The following CSMD3 variants were observed in gnomAD, a reference collection of about 807,000 sequenced individuals.
CSMD3 encodes CUB and sushi domain-containing protein 3.
A neutral mutation model predicts 435.2 loss-of-function variants in CSMD3; 177 were observed. The ratio of observed to expected loss-of-function variants is 0.41; its 90% CI spans 0.36 to 0.46. CSMD3 has a LOEUF of 0.46. Among genes scored for constraint, CSMD3 ranks in the 20% least tolerant of loss-of-function variants. CSMD3 has a pLI of 0.34. For synonymous variants in CSMD3, 1,656 were observed against 1,520.5 expected, an observed-to-expected ratio of 1.09 and a Z score of -2.07; for missense variants, 4,265 against 4,504.6, an observed-to-expected ratio of 0.95 and a Z score of 1.52.
chr8:113,104,280 T>C (rs1173149095), intron 4 of CSMD3, among the ~76,000 whole-genome samples: 1 of 152,044 alleles, frequency 6.6e-6, no homozygotes, highest in East Asian at 1.9e-4. Context: ...CATGGAACAT[T>C]TTTTCTACAA....
chr8:113,196,681 A>G (rs1009236976), intron 3 of CSMD3, among the ~76,000 whole-genome samples: 4 of 151,280 alleles, frequency 2.6e-5, no homozygotes, highest in Admixed American at 6.6e-5. Flanking sequence ...TAGAGAAAAA[A>G]AAGTCTTGAA....
intron 56 of CSMD3, among the ~76,000 whole-genome samples, chr8:112,290,574 T>C (rs548316888): frequency 1.3e-5 from 2 of 151,968 alleles, no homozygotes; most frequent in East Asian, 1.9e-4. Context: ...GCAAAAAGTG[T>C]TGTTTCTTCA....
intron 29 of CSMD3, 137 bp downstream of exon 29, chr8:112,506,554 A>G: frequency 1.3e-6 from 1 of 793,908 alleles, no homozygotes; most frequent in Non-Finnish European, 2.0e-6. Flanking sequence ...AGCTAGAACA[A>G]CTATTAGCAC....
intron 10 of CSMD3, among the ~76,000 whole-genome samples, chr8:112,889,691 A>G (rs1243151152): frequency 1.3e-5 from 2 of 151,698 alleles, no homozygotes; most frequent in East Asian, 1.9e-4. Context: ...GTGAAACAGA[A>G]AAGTTGGGAT....
rs111433383 is a variant in CSMD3 at position 113,319,391 on chromosome 8, T to C, written c.179-4598A>G. Among the ~76,000 whole-genome samples the C allele has an allele frequency of 7.4e-3, 1,129 of 152,162 alleles. 20 individuals are homozygous for C. Among genetic ancestry groups the C allele is most frequent in the African/African-American group, 0.026 (1,072 of 41,552 alleles). On this transcript the variant is annotated intron_variant, in intron 1 of 70. Coordinates refer to ENST00000297405, the MANE Select transcript of CSMD3 (RefSeq NM_198123.2). The stretch of plus-strand genomic sequence containing the variant: ...ATGTCTGTTCAGGTCTTTTGCCCAT[T>C]TTTAAAATCAGGTTATTGTTTTTTC...
intron 1 of CSMD3, among the ~76,000 whole-genome samples, chr8:113,370,717 A>T (rs1196308767): frequency 1.3e-5 from 2 of 151,972 alleles, no homozygotes; most frequent in Admixed American, 1.3e-4. Flanking sequence ...CTTCTCTGGC[A>T]ATAAATCTCT....
rs116918427 is a variant in CSMD3 at position 113,100,905 on chromosome 8, A to G, written c.710-1942T>C. Among the ~76,000 whole-genome samples the G allele has an allele frequency of 7.2e-5, 11 of 152,206 alleles. No homozygotes were observed. The East Asian group carries it at 1.4e-3, about 19-fold the overall frequency. On this transcript the variant is annotated intron_variant, in intron 4 of 70. Coordinates refer to ENST00000297405, the MANE Select transcript of CSMD3 (RefSeq NM_198123.2). ...TATACCTTGGACTTGTGGCAGATGG[A>G]GCAGAGGTGGGGCAGAGGTGAGATG...
At chr8:112,589,089 C>T (rs1830963765) in intron 22 of CSMD3, among the ~76,000 whole-genome samples, 1 of 152,262 alleles carries the variant, frequency 6.6e-6, no homozygotes, top group South Asian at 2.1e-4. Flanking sequence ...TAGTTCTTCT[C>T]TGTAATAAAC....
At chr8:112,452,614 C>T (rs1172623554) in intron 32 of CSMD3, among the ~76,000 whole-genome samples, 1 of 152,022 alleles carries the variant, frequency 6.6e-6, no homozygotes, top group Non-Finnish European at 1.5e-5. Flanking sequence ...TATTTTATTG[C>T]CTTTTTAAGG....
At chr8:113,409,104 G>C (rs112427386) in intron 1 of CSMD3, among the ~76,000 whole-genome samples, 1 of 86,750 alleles carries the variant, frequency 1.2e-5, no homozygotes, top group Non-Finnish European at 2.2e-5. Context: ...TTTTTTTTGA[G>C]ATGGAGTCTC....
intron 1 of CSMD3, among the ~76,000 whole-genome samples, chr8:113,431,227 A>G (rs1279719086): frequency 6.6e-6 from 1 of 152,218 alleles, no homozygotes; most frequent in African/African-American, 2.4e-5. Flanking sequence ...ATACTCATCC[A>G]AAGTCCAAAT....
chr8:112,484,811 G>A (rs1563600147), intron 31 of CSMD3, among the ~76,000 whole-genome samples: 1 of 152,028 alleles, frequency 6.6e-6, no homozygotes, highest in Non-Finnish European at 1.5e-5. Flanking sequence ...GCTCATTGGA[G>A]CATTTTGGAT....
At chr8:112,335,528 G>A in intron 44 of CSMD3, 54 bp from the exon 45 acceptor site, 2 of 1,462,588 alleles carry the variant, frequency 1.4e-6, no homozygotes, top group Non-Finnish European at 1.9e-6. Context: ...TGTGGAAGTA[G>A]TTTTGAACCG....
Position 112,287,249 on chromosome 8 carries a change from G to A in CSMD3, c.9149-3C>T, listed in dbSNP as rs2130637680. The A allele has an allele frequency of 6.2e-7, 1 of 1,613,274 alleles. No individual in the cohort carries two copies. Among genetic ancestry groups the A allele is most frequent in the Non-Finnish European group, 8.5e-7 (1 of 1,179,526 alleles). Reference sequence around the variant, plus strand: ...GCCACATGTCCCAGTAGCATCACCTGCAATGCAGTACAGTTCAAGTTAACC... The same window carrying A: ...GCCACATGTCCCAGTAGCATCACCTACAATGCAGTACAGTTCAAGTTAACC... On this transcript the variant is annotated splice_polypyrimidine_tract_variant and splice_region_variant and intron_variant, in intron 57 of 70. Transcript: ENST00000297405.
intron 10 of CSMD3, among the ~76,000 whole-genome samples, chr8:112,920,666 T>C (rs1437450325): frequency 3.3e-5 from 5 of 151,972 alleles, no homozygotes; most frequent in Admixed American, 2.0e-4. Flanking sequence ...GGTAGTCAAA[T>C]TGACTTATAA....
intron 3 of CSMD3, among the ~76,000 whole-genome samples, chr8:113,195,421 A>G (rs1441897971): frequency 6.6e-6 from 1 of 150,972 alleles, no homozygotes; most frequent in Non-Finnish European, 1.5e-5. Flanking sequence ...AGGAAAAATA[A>G]TCATCTCTGT....
At chr8:113,254,042 A>G (rs1371052066) in intron 3 of CSMD3, among the ~76,000 whole-genome samples, 2 of 152,174 alleles carry the variant, frequency 1.3e-5, no homozygotes, top group Non-Finnish European at 2.9e-5. Flanking sequence ...TTACCAATCT[A>G]GACCTGCAAA....
chr8:113,139,742 C>A (rs2091502495), intron 4 of CSMD3, among the ~76,000 whole-genome samples: 1 of 151,104 alleles, frequency 6.6e-6, no homozygotes, highest in Admixed American at 6.6e-5. Flanking sequence ...TCTAAATACA[C>A]CAAACAATAT....
At position 112,721,445 on chromosome 8, in the gene CSMD3, G is replaced by C. The variant is rs571604861; in HGVS notation, c.1973-31395C>G. 5.9e-5 allele frequency among the ~76,000 whole-genome samples: 9 copies of C among 152,104 alleles called. No individual in the cohort carries two copies. In the East Asian group the frequency reaches 1.4e-3, roughly 23 times the overall value. On this transcript the variant is annotated intron_variant, in intron 13 of 70. Coordinates refer to ENST00000297405, the MANE Select transcript of CSMD3 (RefSeq NM_198123.2). ...CAAAAATTAGCTCGGCATGGTGGTGGGAGGCCTGTAATCCCAGCTACTCAG... is the reference window on the plus strand; with the variant it reads ...CAAAAATTAGCTCGGCATGGTGGTGCGAGGCCTGTAATCCCAGCTACTCAG...
Sources: gnomAD v4.1 joint callset for allele counts (sites outside exome capture counted in the v4.1 genomes callset) on GRCh38, gnomAD v4.1.1 for gene constraint, MANE v1.5 for transcripts, NCBI Gene and HGNC (gene_info 2026-07-23, HGNC 2026-07-21) for gene names.